GTF2F1: variants seen among roughly 807,000 people sequenced by gnomAD.
GTF2F1 encodes general transcription factor IIF 74 kDa subunit.
Under a neutral mutation model 63.5 loss-of-function variants are expected in GTF2F1, and 39 were observed. The ratio of observed to expected loss-of-function variants is 0.61; its 90% confidence interval spans 0.48 to 0.80. The LOEUF (loss-of-function observed/expected upper bound fraction) is 0.80, where lower values mean the gene tolerates loss of function less well. Ranked by LOEUF, GTF2F1 falls within the 30% of genes least tolerant of loss-of-function variation. GTF2F1 has a pLI of 0.00. For synonymous variants in GTF2F1, 287 were observed against 285.3 expected (o/e 1.01, Z -0.06); for missense variants, 657 against 718.3 (o/e 0.91, Z 0.97).
Position 6,381,310 on chromosome 19 carries a change from C to G in GTF2F1, c.1018+49G>C. 6.5e-7 allele frequency: 1 copy of G among 1,540,712 alleles called. No homozygotes were observed. The highest frequency in any genetic ancestry group is 1.2e-5 in the South Asian group (1 of 83,632). ...GGGGAGAGGGGAGGAGGTGGCAGGG[C>G]GCCAGGGCCCGACCCAAGCCTCCAA... On this transcript the variant is annotated intron_variant, in intron 9 of 12. Transcript: ENST00000394456. The surrounding 1 kb of genome is among the most constrained non-coding windows in gnomAD (Gnocchi z 4.1).
chr19:6,390,851 G>A (rs964503550), intron 3 of GTF2F1, among the ~76,000 whole-genome samples: 3 of 152,052 alleles, frequency 2.0e-5, no homozygotes, highest in African/African-American at 4.8e-5. Context: ...CTGCACTCCA[G>A]CCTGGATGAC....
rs190348744 is a variant in GTF2F1 at position 6,387,677 on chromosome 19, A to T, written c.327-118T>A. 4.5e-3 allele frequency: 3,672 copies of T among 822,930 alleles called. 170 individuals carry two copies. Among genetic ancestry groups the T allele is most frequent in the Non-Finnish European group, 5.3e-3 (2,775 of 524,598 alleles). 51.0% of individuals were successfully genotyped at this position (822,930 alleles called of 1,614,324 possible). On this transcript the variant is annotated intron_variant, in intron 4 of 12. Coordinates refer to ENST00000394456, the MANE Select transcript of GTF2F1 (RefSeq NM_002096.3). ...ATAGGAGGAAGACCAAGAAATGCCCATGAGGCCTGGGCAGGCCCTTCAACC... is the reference window on the plus strand; with the variant it reads ...ATAGGAGGAAGACCAAGAAATGCCCTTGAGGCCTGGGCAGGCCCTTCAACC...
chr19:6,391,875 C>G lies in GTF2F1; in HGVS notation c.132+27G>C, dbSNP rs200954563. The G allele has an allele frequency of 1.7e-5, 24 of 1,399,834 alleles. No homozygotes were observed. The African/African-American group carries it at 3.2e-4, about 19-fold the overall frequency. The allele number at this position is 1,399,834 out of a possible 1,614,324, so 86.7% of individuals were successfully genotyped here. A position where few individuals can be genotyped will look rare whatever the true frequency, so the allele number is the denominator to read the frequency against. On this transcript the variant is annotated intron_variant, in intron 3 of 12. Transcript: ENST00000394456. ...GTCAAGTTCTCTCACCACCCCAGCC[C>G]CTGACCCCCAGGACTCAGAGACTTA...
chr19:6,391,439 GTTTTTTTTTTTTTTTTTTTTT>G (rs11340944), intron 3 of GTF2F1, among the ~76,000 whole-genome samples: 1 of 87,418 alleles, frequency 1.1e-5, no homozygotes, highest in African/African-American at 3.3e-5. Flanking sequence ...TGCCATTTCC[GTTTTTTTTTTTTTTTTTTTTT>G]TTTTTTTTTT....
Position 6,380,603 on chromosome 19 carries a change from G to A in GTF2F1, c.1319C>T (p.Pro440Leu), listed in dbSNP as rs2091943071. 6.2e-7 allele frequency: 1 copy of A among 1,613,930 alleles called. No individual in the cohort carries two copies. Among genetic ancestry groups the A allele is most frequent in the African/African-American group, 1.3e-5 (1 of 74,914 alleles). The change falls in exon 12 of 13, where the codon CCA becomes CTA. Residue 440 changes from proline (P) to leucine (L), a missense_variant. Pro to Leu is a moderately conservative substitution (Grantham distance 98). Transcript: ENST00000394456. This position sits in a 1 kb window ranked among gnomAD's most constrained non-coding sequence, Gnocchi z 5.3. The part of the protein sequence containing the change: ...QSLSGKSTPQ[P>L]PSGKTTPNSG... Reference sequence around the variant, plus strand: ...GTTGGGTGTTGTCTTGCCTGATGGTGGCTGGGGTGTCGACTTCCCAGACAG... The same window carrying A: ...GTTGGGTGTTGTCTTGCCTGATGGTAGCTGGGGTGTCGACTTCCCAGACAG...
rs183734314 is a variant in GTF2F1 at position 6,386,234 on chromosome 19, G to T, written c.497+1155C>A. Among the ~76,000 whole-genome samples the T allele has an allele frequency of 2.8e-3, 428 of 151,392 alleles. 4 individuals are homozygous for T. Among genetic ancestry groups the T allele is most frequent in the African/African-American group, 9.9e-3 (411 of 41,312 alleles). On this transcript the variant is annotated intron_variant, in intron 5 of 12. Transcript: ENST00000394456. ...ACCCTGTCTCTACAAAAAATACAAA[G>T]TTAGCCAGGCGTGGTGGTGCATGCC... is the stretch of plus-strand genomic sequence containing the variant.
chr19:6,382,422 G>A (rs891917962), intron 6 of GTF2F1, among the ~76,000 whole-genome samples: 4 of 151,894 alleles, frequency 2.6e-5, no homozygotes, highest in Admixed American at 2.0e-4. Context: ...ACCTGAGGTC[G>A]GGAGTTTGAG....
rs141810642 is a variant in GTF2F1, at chr19:6,387,534, C to T, written c.352G>A (p.Val118Ile). 70 of 1,614,130 alleles carry T rather than the reference C, an allele frequency of 4.3e-5. No homozygotes were observed. The African/African-American group carries it at 5.7e-4, about 13-fold the overall frequency. ...RKFKGIKKGG[V>I]TENTSYYIFT... The stretch of plus-strand genomic sequence containing the variant: ...ATGTAGTAGGACGTGTTCTCTGTTA[C>T]GCCTCCCTTCTTGATGCCCTTGAAC... Residue 118 changes from valine (V) to isoleucine (I), a missense_variant, in exon 5 of 13, where the codon GTA (valine) becomes ATA (isoleucine). Around this residue, in one of 2 missense-constraint regions of GTF2F1, gnomAD observed 602 missense variants for 625.6 expected, o/e 0.96. Coordinates refer to ENST00000394456, the MANE Select transcript of GTF2F1 (RefSeq NM_002096.3).
chr19:6,385,159 C>A (rs1374199625), intron 5 of GTF2F1, among the ~76,000 whole-genome samples: 1 of 151,970 alleles, frequency 6.6e-6, no homozygotes, highest in Non-Finnish European at 1.5e-5. Flanking sequence ...TATTGGGATG[C>A]CAAAGCGGGC....
At chr19:6,392,745 C>G (rs2092005672) in intron 2 of GTF2F1, 112 bp downstream of exon 2, 1 of 1,072,240 alleles carries the variant, frequency 9.3e-7, no homozygotes, top group South Asian at 1.3e-5. Flanking sequence ...CAAGTCTCTC[C>G]CGGTCTGGAG....
At position 6,383,390 on chromosome 19, in the gene GTF2F1, C is replaced by T. The variant is rs890867529; in HGVS notation, c.603G>A (p.Lys201=). 6.2e-7 allele frequency: 1 copy of T among 1,614,246 alleles called. No individual in the cohort carries two copies. The highest frequency in any genetic ancestry group is 8.5e-7 in the Non-Finnish European group (1 of 1,180,046). ...EEEKEKRGRR[K]ASELRIHDLE... Reference sequence around the variant, plus strand: ...GGTCGTGGATGCGCAGCTCGCTCGCCTTCCTGCGGCCACGTTTCTCCTTCT... The same window carrying T: ...GGTCGTGGATGCGCAGCTCGCTCGCTTTCCTGCGGCCACGTTTCTCCTTCT... The change falls in exon 6 of 13, where the codon AAG becomes AAA. Residue 201 remains lysine (K), a synonymous_variant. Coordinates refer to ENST00000394456, the MANE Select transcript of GTF2F1 (RefSeq NM_002096.3). The surrounding 1 kb of genome is among the most constrained non-coding windows in gnomAD (Gnocchi z 4.5).
Position 6,380,586 on chromosome 19 carries a change from T to C in GTF2F1, c.1336A>G (p.Thr446Ala), listed in dbSNP as rs1209375318. 6.2e-7 allele frequency: 1 copy of C among 1,613,980 alleles called. No individual in the cohort carries two copies. Among genetic ancestry groups the C allele is most frequent in the Non-Finnish European group, 8.5e-7 (1 of 1,179,966 alleles). The stretch of plus-strand genomic sequence containing the variant: ...TCGTCAACTTACCCGCTGTTGGGTG[T>C]TGTCTTGCCTGATGGTGGCTGGGGT... The part of the protein sequence containing the change: ...STPQPPSGKT[T>A]PNSGDVQVTE... Residue 446 changes from threonine to alanine, a missense_variant, in exon 12 of 13, where the codon ACA (threonine) becomes GCA (alanine). Around this residue, in one of 2 missense-constraint regions of GTF2F1, gnomAD observed 602 missense variants for 625.6 expected, o/e 0.96. Transcript: ENST00000394456. The surrounding 1 kb of genome is among the most constrained non-coding windows in gnomAD (Gnocchi z 5.3).
intron 4 of GTF2F1, among the ~76,000 whole-genome samples, chr19:6,388,773 C>T (rs925084755): frequency 2.6e-5 from 4 of 152,178 alleles, no homozygotes; most frequent in Non-Finnish European, 5.9e-5. Flanking sequence ...CGCAGCAAGA[C>T]CCCATCTCTA....
At position 6,381,561 on chromosome 19, in the gene GTF2F1, C is replaced by T. The variant is rs1411055816; in HGVS notation, c.891G>A (p.Gly297=). 6.2e-7 allele frequency: 1 copy of T among 1,613,276 alleles called. No individual in the cohort carries two copies. Among genetic ancestry groups the T allele is most frequent in the Non-Finnish European group, 8.5e-7 (1 of 1,180,020 alleles). The change falls in exon 8 of 13, where the codon GGG becomes GGA. Residue 297 remains glycine, a synonymous_variant. Transcript: ENST00000394456. The surrounding 1 kb of genome is among the most constrained non-coding windows in gnomAD (Gnocchi z 4.1). Reference sequence around the variant, plus strand: ...CGCCCAGCCATCGCCTACCCTTGGGCCCCTCCTCCTGCTGCGGCGCCTTGG... The same window carrying T: ...CGCCCAGCCATCGCCTACCCTTGGGTCCCTCCTCCTGCTGCGGCGCCTTGG... ...SKAKAPQQEE[G]PKGVDEQSDS...
In GTF2F1 at chr19:6,383,159, C is replaced by T; in HGVS notation, c.682+152G>A. On this transcript the variant is annotated intron_variant, in intron 6 of 12. Transcript: ENST00000394456. This position sits in a 1 kb window ranked among gnomAD's most constrained non-coding sequence, Gnocchi z 4.5. Reference sequence around the variant, plus strand: ...TCAGGTGATCTGCCTGCCTCAGCCTCTCAAAGTGCTGGGATGACAGGCGTG... The same window carrying T: ...TCAGGTGATCTGCCTGCCTCAGCCTTTCAAAGTGCTGGGATGACAGGCGTG... 1 of 777,082 alleles carries T rather than the reference C, an allele frequency of 1.3e-6. No individual in the cohort carries two copies. The highest frequency in any genetic ancestry group is 2.1e-6 in the Non-Finnish European group (1 of 478,654). 48.1% of individuals were successfully genotyped at this position (777,082 alleles called of 1,614,324 possible). A position where few individuals can be genotyped will look rare whatever the true frequency, so the allele number is the denominator to read the frequency against.
chr19:6,386,684 C>G (rs1009905776), intron 5 of GTF2F1: 1 of 152,260 alleles, frequency 6.6e-6, no homozygotes, highest in South Asian at 2.1e-4. Context: ...ACCTCGTGAT[C>G]CGCCTGCCTT....
In GTF2F1 at chr19:6,382,942, C is replaced by A. The variant is rs146757012; in HGVS notation, c.682+369G>T. On this transcript the variant is annotated intron_variant, in intron 6 of 12. Coordinates refer to ENST00000394456, the MANE Select transcript of GTF2F1 (RefSeq NM_002096.3). The stretch of plus-strand genomic sequence containing the variant: ...TCTGAGACGGAGTCTCTCTCTGTTG[C>A]CCAGGCTGGAGTCCAGTGGCGTGAT... 3.3e-3 allele frequency among the ~76,000 whole-genome samples: 496 copies of A among 152,208 alleles called. 5 individuals are homozygous for A. The highest frequency in any genetic ancestry group is 0.011 in the African/African-American group (455 of 41,534).
rs1485696391 is a variant in GTF2F1 at position 6,383,743 on chromosome 19, G to A, written c.498-248C>T. 2.6e-5 allele frequency among the ~76,000 whole-genome samples: 4 copies of A among 152,126 alleles called. No homozygotes were observed. Among genetic ancestry groups the A allele is most frequent in the South Asian group, 2.1e-4 (1 of 4,828 alleles). ...CTGCTGGAGTCTCAGCACCTCCCTC[G>A]GACTCAGAGTCTGGCCCCAATCCAG... On this transcript the variant is annotated intron_variant, in intron 5 of 12. Coordinates refer to ENST00000394456, the MANE Select transcript of GTF2F1 (RefSeq NM_002096.3). The surrounding 1 kb of genome is among the most constrained non-coding windows in gnomAD (Gnocchi z 4.5).
chr19:6,385,042 G>T (rs560306846), intron 5 of GTF2F1, among the ~76,000 whole-genome samples: 1 of 151,996 alleles, frequency 6.6e-6, no homozygotes, highest in African/African-American at 2.4e-5. Context: ...CTTGCGATCC[G>T]CTCTCCACGT....
Sources: gnomAD v4.1 joint callset for allele counts (sites outside exome capture counted in the v4.1 genomes callset) on GRCh38, gnomAD v4.1.1 for gene constraint, gnomAD v4.1.1 regional missense constraint, Gnocchi (gnomAD v3.1) non-coding constraint, MANE v1.5 for transcripts, NCBI Gene and HGNC (gene_info 2026-07-23, HGNC 2026-07-21) for gene names.